Variants in PPP3CC observed in about 807,000 individuals in gnomAD.
PPP3CC encodes the protein serine/threonine-protein phosphatase 2B catalytic subunit gamma isoform.
Under a neutral mutation model 60.3 loss-of-function variants are expected in PPP3CC, and 35 were observed. That is an observed-to-expected ratio of 0.58 (90% CI 0.44 to 0.77). The LOEUF (loss-of-function observed/expected upper bound fraction) is 0.77, where lower values mean the gene tolerates loss of function less well. PPP3CC is among the 30% of genes least tolerant of loss of function. PPP3CC has a pLI of 0.00. For missense variants in PPP3CC, 570 were observed against 628.9 expected (o/e 0.91, Z 1.00); for synonymous variants, 206 against 224.3 (o/e 0.92, Z 0.73).
intron 1 of PPP3CC, among the ~76,000 whole-genome samples, chr8:22,460,857 A>AT (rs1442385704): frequency 6.6e-6 from 1 of 151,936 alleles, no homozygotes. Flanking sequence ...TTATTTATTT[A>AT]TTTTTTGAGA....
At chr8:22,477,324 A>G (rs558057142) in intron 3 of PPP3CC, among the ~76,000 whole-genome samples, 1 of 152,190 alleles carries the variant, frequency 6.6e-6, no homozygotes, top group African/African-American at 2.4e-5. Flanking sequence ...TAAAAATACG[A>G]AAGTTTACCA....
At chr8:22,449,872 T>C (rs576188947) in intron 1 of PPP3CC, among the ~76,000 whole-genome samples, 27 of 149,952 alleles carry the variant, frequency 1.8e-4, no homozygotes, top group African/African-American at 4.7e-4. Context: ...TCTTTTCTTT[T>C]TTTTTTTTTT....
At chr8:22,467,439 T>TTTTG (rs1351963466) in intron 1 of PPP3CC, among the ~76,000 whole-genome samples, 1 of 152,008 alleles carries the variant, frequency 6.6e-6, no homozygotes, top group Non-Finnish European at 1.5e-5. Flanking sequence ...AAGATGTGTT[T>TTTTG]TTTGTTTGTT....
chr8:22,468,962 C>T (rs1362948055), intron 1 of PPP3CC, among the ~76,000 whole-genome samples: 1 of 152,054 alleles, frequency 6.6e-6, no homozygotes, highest in Non-Finnish European at 1.5e-5. Flanking sequence ...TTTCTGAGGC[C>T]ATGATATAAA....
At chr8:22,491,591 G>T (rs1838406808) in intron 3 of PPP3CC, among the ~76,000 whole-genome samples, 1 of 152,100 alleles carries the variant, frequency 6.6e-6, no homozygotes, top group South Asian at 2.1e-4. Flanking sequence ...TTTAAGTGCT[G>T]CTTTATCTGA....
intron 6 of PPP3CC, among the ~76,000 whole-genome samples, chr8:22,514,119 C>T (rs897555668): frequency 6.6e-6 from 1 of 151,974 alleles, no homozygotes; most frequent in Non-Finnish European, 1.5e-5. Flanking sequence ...GGTGGCAACA[C>T]GCCTGTAATC....
chr8:22,487,846 A>G (rs1838271141), intron 3 of PPP3CC, among the ~76,000 whole-genome samples: 1 of 152,234 alleles, frequency 6.6e-6, no homozygotes, highest in African/African-American at 2.4e-5. Context: ...ATGAACAGGT[A>G]TTGACACATA....
At chr8:22,525,530 CTTTCTT>C (rs1211460847) in intron 8 of PPP3CC, among the ~76,000 whole-genome samples, 4 of 89,394 alleles carry the variant, frequency 4.5e-5, no homozygotes, top group African/African-American at 1.4e-4. Flanking sequence ...TTCTTTCTTT[CTTTCTT>C]TCTCTCCCTC....
chr8:22,489,626 AAG>A (rs575182456), intron 3 of PPP3CC, among the ~76,000 whole-genome samples: 142 of 141,230 alleles, frequency 1.0e-3, no homozygotes, highest in African/African-American at 3.6e-3. Flanking sequence ...AATATATAAT[AAG>A]TATATATTAC....
At chr8:22,512,334 T>A (rs867487383) in intron 5 of PPP3CC, among the ~76,000 whole-genome samples, 1 of 152,252 alleles carries the variant, frequency 6.6e-6, no homozygotes, top group Non-Finnish European at 1.5e-5. Flanking sequence ...TAATTCTGAA[T>A]CAATTGTATC....
intron 3 of PPP3CC, among the ~76,000 whole-genome samples, chr8:22,490,333 G>T (rs1255331758): frequency 1.3e-5 from 2 of 152,122 alleles, no homozygotes; most frequent in Non-Finnish European, 2.9e-5. Context: ...TCTGTATTCT[G>T]TCGGGTTCCC....
intron 3 of PPP3CC, among the ~76,000 whole-genome samples, chr8:22,495,586 G>C (rs1024653590): frequency 2.0e-5 from 3 of 151,574 alleles, no homozygotes; most frequent in African/African-American, 7.3e-5. Flanking sequence ...TTATTTTTGG[G>C]ATGGAGTTTC....
rs908623264 is a variant in PPP3CC at position 22,494,031 on chromosome 8, T to C, written c.373-3970T>C. Reference sequence around the variant, plus strand: ...TAGGGTGTAGGAATTTTTCAGTTCATTTTAATTTTATGGGACCATTGTCCT... The same window carrying C: ...TAGGGTGTAGGAATTTTTCAGTTCACTTTAATTTTATGGGACCATTGTCCT... On this transcript the variant is annotated intron_variant, in intron 3 of 13. Coordinates refer to ENST00000240139, the MANE Select transcript of PPP3CC (RefSeq NM_005605.5). Among the ~76,000 whole-genome samples the C allele has an allele frequency of 3.3e-5, 5 of 152,178 alleles. No individual in the cohort carries two copies. In the South Asian group the frequency reaches 1.0e-3, roughly 32 times the overall value.
chr8:22,526,281 G>A (rs936078175), intron 8 of PPP3CC, among the ~76,000 whole-genome samples: 2 of 152,252 alleles, frequency 1.3e-5, no homozygotes, highest in East Asian at 1.9e-4. Flanking sequence ...CCCAAAAGCA[G>A]TTTTATAAGC....
intron 8 of PPP3CC, among the ~76,000 whole-genome samples, chr8:22,524,591 T>G (rs1255525433): frequency 6.6e-6 from 1 of 152,234 alleles, no homozygotes; most frequent in Non-Finnish European, 1.5e-5. Flanking sequence ...TTATCAATGG[T>G]GTGGACTGTT....
chr8:22,443,053 G>C (rs1423167026), intron 1 of PPP3CC, among the ~76,000 whole-genome samples: 1 of 152,064 alleles, frequency 6.6e-6, no homozygotes, highest in African/African-American at 2.4e-5. Flanking sequence ...GAATAAATAG[G>C]ATCTTAGTGA....
At chr8:22,540,255 G>A (rs1266562663) in intron 13 of PPP3CC, among the ~76,000 whole-genome samples, 1 of 152,048 alleles carries the variant, frequency 6.6e-6, no homozygotes, top group Non-Finnish European at 1.5e-5. Context: ...TTCTAGTGTT[G>A]CCTTTGTTCT....
At chr8:22,471,217 A>G (rs1837710133) in intron 1 of PPP3CC, among the ~76,000 whole-genome samples, 1 of 151,938 alleles carries the variant, frequency 6.6e-6, no homozygotes, top group Non-Finnish European at 1.5e-5. Flanking sequence ...CAAAGCACAA[A>G]TTATTAAAAT....
intron 10 of PPP3CC, among the ~76,000 whole-genome samples, chr8:22,530,751 G>A (rs1011485076): frequency 8.4e-5 from 11 of 131,018 alleles, no homozygotes; most frequent in African/African-American, 3.1e-4. Context: ...AGAATTGCTT[G>A]AACCTGAGAG....
Sources: allele counts gnomAD v4.1 joint callset (sites outside exome capture counted in the v4.1 genomes callset), GRCh38; gene constraint gnomAD v4.1.1; transcripts MANE v1.5; gene names NCBI Gene and HGNC (gene_info 2026-07-23, HGNC 2026-07-21).